NEMP2: variants seen among roughly 807,000 people sequenced by gnomAD.
The protein encoded by NEMP2 is UPF0571 transmembrane protein.
Under a neutral mutation model 54.2 loss-of-function variants are expected in NEMP2, and 53 were observed. The ratio of observed to expected loss-of-function variants is 0.98; its 90% CI spans 0.78 to 1.23. The LOEUF (loss-of-function observed/expected upper bound fraction) is 1.23. Among genes scored for constraint, NEMP2 ranks in the 50% most tolerant of loss-of-function variants. The pLI is 0.00. For missense variants in NEMP2, 455 were observed against 511.3 expected (o/e 0.89, Z 1.06); for synonymous variants, 197 against 190.3 (o/e 1.04, Z -0.29).
At chr2:190,598,272 C>T in the NEMP2 span, among the ~76,000 whole-genome samples, 1 of 152,162 alleles carries the variant, frequency 6.6e-6, no homozygotes, top group Non-Finnish European at 1.5e-5. Flanking sequence ...GAAGAGAAGA[C>T]TCTTGGGAGA....
chr2:190,493,420 A>T, the NEMP2 span, among the ~76,000 whole-genome samples: 1 of 152,186 alleles, frequency 6.6e-6, no homozygotes, highest in Non-Finnish European at 1.5e-5. Context: ...GATATACAGC[A>T]ACACAATAAT....
chr2:190,423,851 A>C, the NEMP2 span, among the ~76,000 whole-genome samples: 8 of 152,192 alleles, frequency 5.3e-5, no homozygotes, highest in African/African-American at 7.2e-5. The surrounding 1 kb of genome is among the most constrained non-coding windows in gnomAD (Gnocchi z 4.3). Context: ...GTAGTGATAT[A>C]GCATCATGGT....
At chr2:190,607,288 G>T in the NEMP2 span, among the ~76,000 whole-genome samples, 1 of 152,178 alleles carries the variant, frequency 6.6e-6, no homozygotes, top group Non-Finnish European at 1.5e-5. This position sits in a 1 kb window ranked among gnomAD's most constrained non-coding sequence, Gnocchi z 5.2. Flanking sequence ...AGGATAAGCA[G>T]GTGGCCAAAT....
rs1691054226 is a variant in NEMP2, at chr2:190,529,211, A to G, written c.98-3833T>C. ...ACAAACACAAACAAACAAAAACATG[A>G]ATGGGAACCCATCATTTACCTGCTT... On this transcript the variant is annotated intron_variant, in intron 1 of 8. Transcript: ENST00000409150. The surrounding 1 kb of genome is among the most constrained non-coding windows in gnomAD (Gnocchi z 4.7). Among the ~76,000 whole-genome samples the G allele has an allele frequency of 6.6e-6, 1 of 152,046 alleles. No homozygotes were observed.
At chr2:190,430,975 C>T in the NEMP2 span, among the ~76,000 whole-genome samples, 1 of 150,188 alleles carries the variant, frequency 6.7e-6, no homozygotes, top group Non-Finnish European at 1.5e-5. Flanking sequence ...GAAGGGGCTC[C>T]TCACTTCTCA....
chr2:190,613,388 A>G, the NEMP2 span, among the ~76,000 whole-genome samples: 2 of 152,160 alleles, frequency 1.3e-5, no homozygotes, highest in Admixed American at 1.3e-4. Flanking sequence ...ATAATGTTTT[A>G]TTTATTTAAA....
the NEMP2 span, among the ~76,000 whole-genome samples, chr2:190,582,544 T>C: frequency 6.6e-6 from 1 of 152,182 alleles, no homozygotes; most frequent in East Asian, 1.9e-4. The surrounding 1 kb of genome is among the most constrained non-coding windows in gnomAD (Gnocchi z 4.6). Flanking sequence ...CTTAAAAAAA[T>C]CATTTATCTC....
Position 190,519,293 on chromosome 2 carries a change from C to T in NEMP2, c.214-110G>A. 1 of 742,178 alleles carries T rather than the reference C, an allele frequency of 1.3e-6. No homozygotes were observed. Among genetic ancestry groups the T allele is most frequent in the South Asian group, 1.8e-5 (1 of 55,182 alleles). The allele number at this position is 742,178 out of a possible 1,614,324, so 46.0% of individuals were successfully genotyped here. On this transcript the variant is annotated intron_variant, in intron 2 of 8. Coordinates refer to ENST00000409150, the MANE Select transcript of NEMP2 (RefSeq NM_001142645.2). The surrounding 1 kb of genome is among the most constrained non-coding windows in gnomAD (Gnocchi z 5.4). Reference sequence around the variant, plus strand: ...ATGGAGTGCAGTGGCAGGATCTCTGCTCACTGCAACCTGTGCCTCCAGGGC... The same window carrying T: ...ATGGAGTGCAGTGGCAGGATCTCTGTTCACTGCAACCTGTGCCTCCAGGGC...
At chr2:190,500,212 A>G (rs754607980), downstream of NEMP2, 3 of 1,614,116 alleles carry the variant, frequency 1.9e-6, no homozygotes, top group Non-Finnish European at 2.5e-6. The surrounding 1 kb of genome is among the most constrained non-coding windows in gnomAD (Gnocchi z 5.3). Context: ...CCGCGGGAGG[A>G]CACTGAGGGC....
the NEMP2 span, among the ~76,000 whole-genome samples, chr2:190,638,155 C>A: frequency 1.4e-4 from 22 of 152,308 alleles, no homozygotes; most frequent in African/African-American, 5.1e-4. This position sits in a 1 kb window ranked among gnomAD's most constrained non-coding sequence, Gnocchi z 5.7. Flanking sequence ...ACTGAGCCTT[C>A]CCTTCTTTCT....
At chr2:190,470,103 G>C in the NEMP2 span, among the ~76,000 whole-genome samples, 5 of 152,190 alleles carry the variant, frequency 3.3e-5, no homozygotes, top group African/African-American at 4.8e-5. Flanking sequence ...AAAGGAAGAG[G>C]AACTCTAGAA....
chr2:190,436,267 T>A, the NEMP2 span: 3 of 1,614,044 alleles, frequency 1.9e-6, no homozygotes, highest in South Asian at 3.3e-5. The surrounding 1 kb of genome is among the most constrained non-coding windows in gnomAD (Gnocchi z 5.3). Flanking sequence ...TTTCTTTTAC[T>A]CTGCCTATGG....
the NEMP2 span, chr2:190,437,460 A>G: frequency 6.2e-7 from 1 of 1,614,200 alleles, no homozygotes; most frequent in Non-Finnish European, 8.5e-7. The surrounding 1 kb of genome is among the most constrained non-coding windows in gnomAD (Gnocchi z 5.9). Context: ...ACCTCAATGG[A>G]ACTACAACCC....
At chr2:190,482,903 T>TTTTTTTTTTTTG in the NEMP2 span, among the ~76,000 whole-genome samples, 1,418 of 86,174 alleles carry the variant, frequency 0.016, 532 homozygotes, top group Non-Finnish European at 0.022. Context: ...TTTTTTTTTT[T>TTTTTTTTTTTTG]AGACGGAGTC....
the NEMP2 span, among the ~76,000 whole-genome samples, chr2:190,587,587 G>A: frequency 6.6e-6 from 1 of 152,270 alleles, no homozygotes; most frequent in Admixed American, 6.5e-5. This position sits in a 1 kb window ranked among gnomAD's most constrained non-coding sequence, Gnocchi z 5.4. Flanking sequence ...TGCTGACAAA[G>A]ACATGGCTTT....
Position 190,525,316 on chromosome 2 carries a change from A to C in NEMP2, c.160T>G (p.Cys54Gly). Residue 54 changes from cysteine to glycine, a missense_variant, in exon 2 of 9, where the codon TGC becomes GGC. Around this residue, in one of 3 missense-constraint regions of NEMP2, gnomAD observed 100 missense variants for 80.2 expected, o/e 1.25. Coordinates refer to ENST00000409150, the MANE Select transcript of NEMP2 (RefSeq NM_001142645.2). This position sits in a 1 kb window ranked among gnomAD's most constrained non-coding sequence, Gnocchi z 5.0. ...LIRTSESDCY[C>G]YNQNSQVEWK... is the part of the protein sequence containing the mutation. ...TCCACTTGGGAATTTTGATTGTAGC[A>C]GTAACAGTCTGACTCAGACGTTCTA... 1 of 1,550,946 alleles carries C rather than the reference A, an allele frequency of 6.4e-7. No individual in the cohort carries two copies. The highest frequency in any genetic ancestry group is 8.7e-7 in the Non-Finnish European group (1 of 1,146,520).
the NEMP2 span, among the ~76,000 whole-genome samples, chr2:190,588,222 T>C: frequency 6.6e-6 from 1 of 152,100 alleles, no homozygotes; most frequent in Non-Finnish European, 1.5e-5. The surrounding 1 kb of genome is among the most constrained non-coding windows in gnomAD (Gnocchi z 5.0). Flanking sequence ...TTTGGAAGAT[T>C]TTCCTGAAAA....
chr2:190,490,209 C>G, the NEMP2 span, among the ~76,000 whole-genome samples: 1 of 151,414 alleles, frequency 6.6e-6, no homozygotes. This position sits in a 1 kb window ranked among gnomAD's most constrained non-coding sequence, Gnocchi z 4.5. Flanking sequence ...AGTCATTTTG[C>G]TACTAGGGAT....
rs1690710493 is a variant in NEMP2, at chr2:190,520,298, T to A, written c.214-1115A>T. ...TTCAGGCTTCTCTCACCATGCCTGC[T>A]AAAGGACCAGATCCCAACCTCAGGT... On this transcript the variant is annotated intron_variant, in intron 2 of 8. Transcript: ENST00000409150. This position sits in a 1 kb window ranked among gnomAD's most constrained non-coding sequence, Gnocchi z 5.4. Among the ~76,000 whole-genome samples the A allele has an allele frequency of 6.6e-6, 1 of 152,200 alleles. No individual in the cohort carries two copies. Among genetic ancestry groups the A allele is most frequent in the African/African-American group, 2.4e-5 (1 of 41,442 alleles).
Sources: gnomAD v4.1 joint callset for allele counts (sites outside exome capture counted in the v4.1 genomes callset) on GRCh38, gnomAD v4.1.1 for gene constraint, gnomAD v4.1.1 regional missense constraint, Gnocchi (gnomAD v3.1) non-coding constraint, MANE v1.5 for transcripts, NCBI Gene and HGNC (gene_info 2026-07-23, HGNC 2026-07-21) for gene names.